Variants in CUEDC1 observed in about 807,000 individuals in gnomAD.
CUEDC1 encodes the protein CUE domain containing 1, also known as CUE domain-containing protein 1.
Under a neutral mutation model 43.7 loss-of-function variants are expected in CUEDC1, and 30 were observed. The observed-to-expected ratio is 0.69, with a 90% CI of 0.51 to 0.93. The LOEUF (loss-of-function observed/expected upper bound fraction) is 0.93. Ranked by LOEUF, CUEDC1 falls within the 40% of genes least tolerant of loss-of-function variation. CUEDC1 has a pLI of 0.00. For synonymous variants in CUEDC1, 223 were observed against 223.6 expected (o/e 1.00, Z 0.02); for missense variants, 486 against 549.0 (o/e 0.89, Z 1.15).
At chr17:57,864,901 A>C (rs924040739) in intron 10 of CUEDC1, among the ~76,000 whole-genome samples, 3 of 152,146 alleles carry the variant, frequency 2.0e-5, no homozygotes, top group Admixed American at 2.0e-4. Flanking sequence ...AAAAATACAA[A>C]AACAAATTAG....
At chr17:57,881,879 A>G (rs1452505004) in intron 2 of CUEDC1, among the ~76,000 whole-genome samples, 1 of 152,138 alleles carries the variant, frequency 6.6e-6, no homozygotes, top group East Asian at 1.9e-4. Context: ...CACAGAGAAG[A>G]CAGGCGGCCG....
chr17:57,927,541 G>GCCAAAAT (rs1272124647), intron 1 of CUEDC1, among the ~76,000 whole-genome samples: 6 of 152,180 alleles, frequency 3.9e-5, no homozygotes, highest in Non-Finnish European at 8.8e-5. Context: ...CATGCCTGAA[G>GCCAAAAT]CCAAAATCAA....
intron 1 of CUEDC1, among the ~76,000 whole-genome samples, chr17:57,928,342 GA>G (rs1201451079): frequency 6.6e-6 from 1 of 152,042 alleles, no homozygotes; most frequent in Non-Finnish European, 1.5e-5. Context: ...CAGGTCAGGA[GA>G]TCGAGACCAT....
At position 57,885,298 on chromosome 17, in the gene CUEDC1, C is replaced by T; in HGVS notation, c.267G>A (p.Leu89=). 6.2e-7 allele frequency: 1 copy of T among 1,610,234 alleles called. No individual in the cohort carries two copies. Among genetic ancestry groups the T allele is most frequent in the South Asian group, 1.1e-5 (1 of 90,162 alleles). The change falls in exon 2 of 11, where the codon CTG becomes CTA. Residue 89 remains leucine, a synonymous_variant. Coordinates refer to ENST00000577830, the MANE Select transcript of CUEDC1 (RefSeq NM_001271875.2). The stretch of plus-strand genomic sequence containing the variant: ...CGCCGCCGCTGCTGCCACCGCCCTC[C>T]AGGTTCATCTGCAGCAGCTGGTCGA... ...ATIDQLLQMN[L]EGGGSSGGVY... is the part of the protein sequence containing the mutation.
In CUEDC1 at chr17:57,930,686, A is replaced by G. The variant is rs1405714977; in HGVS notation, c.-316+24539T>C. Among the ~76,000 whole-genome samples the G allele has an allele frequency of 6.6e-6, 1 of 152,194 alleles. No individual in the cohort carries two copies. The highest frequency in any genetic ancestry group is 1.9e-4 in the East Asian group (1 of 5,188). On this transcript the variant is annotated intron_variant, in intron 1 of 10. Transcript: ENST00000577830. This position sits in a 1 kb window ranked among gnomAD's most constrained non-coding sequence, Gnocchi z 4.2. ...TTTGGACAGCACTTTCTACTTCTTA[A>G]AAAGAAGATATCCACATCTATCGTG... is the stretch of plus-strand genomic sequence containing the variant.
chr17:57,872,608 G>A, intron 5 of CUEDC1, 55 bp downstream of exon 5: 1 of 1,596,288 alleles, frequency 6.3e-7, no homozygotes, highest in Non-Finnish European at 8.6e-7. Context: ...CAAGGCTAAA[G>A]CCAGCATCAC....
At chr17:57,947,000 C>G (rs1236424464) in intron 1 of CUEDC1, among the ~76,000 whole-genome samples, 3 of 152,086 alleles carry the variant, frequency 2.0e-5, no homozygotes, top group East Asian at 1.9e-4. Flanking sequence ...CTCACTAGCT[C>G]TCTCCCAGCT....
At chr17:57,902,287 C>G (rs2074481025) in intron 1 of CUEDC1, among the ~76,000 whole-genome samples, 1 of 152,160 alleles carries the variant, frequency 6.6e-6, no homozygotes, top group African/African-American at 2.4e-5. Context: ...TGAGATCACA[C>G]CACTCACTCC....
At chr17:57,908,720 A>G (rs149585324) in intron 1 of CUEDC1, among the ~76,000 whole-genome samples, 20 of 152,232 alleles carry the variant, frequency 1.3e-4, no homozygotes, top group Admixed American at 3.9e-4. Flanking sequence ...TAATGTGACC[A>G]GGTGCAGTGG....
intron 1 of CUEDC1, among the ~76,000 whole-genome samples, chr17:57,894,810 G>A (rs2074392339): frequency 1.3e-5 from 2 of 152,222 alleles, no homozygotes; most frequent in Non-Finnish European, 2.9e-5. Flanking sequence ...TTTCAGAGAA[G>A]GTGAATGAGG....
chr17:57,905,249 G>GACACACACACACACACACAC lies in CUEDC1; in HGVS notation c.-315-19390_-315-19371dup, dbSNP rs761744709. Among the ~76,000 whole-genome samples, 435 of 127,986 alleles carry GACACACACACACACACACAC rather than the reference G, an allele frequency of 3.4e-3. 13 individuals carry two copies. Among genetic ancestry groups the GACACACACACACACACACAC allele is most frequent in the East Asian group, 8.9e-3 (33 of 3,718 alleles). The allele number at this position is 127,986 out of a possible 152,430, so 84.0% of individuals were successfully genotyped here. A position where few individuals can be genotyped will look rare whatever the true frequency, so the allele number is the denominator to read the frequency against. ...GGCTACAGCTTCTCTCTCTCTCTCT[G>GACACACACACACACACACAC]ACACACACACACACACACACACACA... On this transcript the variant is annotated intron_variant, in intron 1 of 10. Coordinates refer to ENST00000577830, the MANE Select transcript of CUEDC1 (RefSeq NM_001271875.2).
At chr17:57,909,626 A>G (rs1294416637) in intron 1 of CUEDC1, among the ~76,000 whole-genome samples, 4 of 152,222 alleles carry the variant, frequency 2.6e-5, no homozygotes, top group Admixed American at 1.3e-4. Flanking sequence ...GGCAGAGAGA[A>G]GCTGGGGTCC....
chr17:57,932,487 A>C (rs2074815953), intron 1 of CUEDC1, among the ~76,000 whole-genome samples: 1 of 147,078 alleles, frequency 6.8e-6, no homozygotes, highest in South Asian at 2.3e-4. Context: ...CGGGAGGCCG[A>C]GGCAGGAGAA....
chr17:57,944,942 C>A (rs1268750966), intron 1 of CUEDC1, among the ~76,000 whole-genome samples: 1 of 152,178 alleles, frequency 6.6e-6, no homozygotes, highest in African/African-American at 2.4e-5. Flanking sequence ...GGTGTCGCCC[C>A]ATCAGAGGTG....
At chr17:57,924,112 A>ATT (rs34465364) in intron 1 of CUEDC1, among the ~76,000 whole-genome samples, 5,681 of 148,492 alleles carry the variant, frequency 0.038, 119 homozygotes, top group South Asian at 0.07. Flanking sequence ...TTCTTCCTGC[A>ATT]TTTTTTTTTT....
chr17:57,869,358 T>C (rs1296167039), intron 6 of CUEDC1, among the ~76,000 whole-genome samples, 165 bp from the exon 7 acceptor site: 1 of 152,176 alleles, frequency 6.6e-6, no homozygotes, highest in Non-Finnish European at 1.5e-5. Flanking sequence ...AGCTCCTCTT[T>C]CCCCTTGTGG....
intron 1 of CUEDC1, among the ~76,000 whole-genome samples, chr17:57,905,576 C>T (rs888808869): frequency 6.6e-6 from 1 of 152,190 alleles, no homozygotes; most frequent in Non-Finnish European, 1.5e-5. Context: ...CAGGCCCACG[C>T]GTGCAAAGCC....
chr17:57,942,900 T>C (rs926291812), intron 1 of CUEDC1, among the ~76,000 whole-genome samples: 2 of 151,654 alleles, frequency 1.3e-5, no homozygotes, highest in Admixed American at 6.6e-5. Context: ...TGGTGGCAGG[T>C]GCCTGTAGTC....
Position 57,920,958 on chromosome 17 carries a change from A to G in CUEDC1, c.-316+34267T>C, listed in dbSNP as rs73314275. On this transcript the variant is annotated intron_variant, in intron 1 of 10. Transcript: ENST00000577830. ...AGCTGAAATGTTTAATAAACAGAGTATAGTTGTATATAGGTTATACAATTT... is the reference window on the plus strand; with the variant it reads ...AGCTGAAATGTTTAATAAACAGAGTGTAGTTGTATATAGGTTATACAATTT... Among the ~76,000 whole-genome samples, 1,038 of 152,348 alleles carry G rather than the reference A, an allele frequency of 6.8e-3. 14 individuals are homozygous for G. The highest frequency in any genetic ancestry group is 0.023 in the African/African-American group (976 of 41,570).
Sources: allele counts gnomAD v4.1 joint callset (sites outside exome capture counted in the v4.1 genomes callset), GRCh38; gene constraint gnomAD v4.1.1; non-coding constraint Gnocchi (gnomAD v3.1); transcripts MANE v1.5; gene names NCBI Gene and HGNC (gene_info 2026-07-23, HGNC 2026-07-21).